Variants in SNX3 observed in about 807,000 individuals in gnomAD.
SNX3 encodes the protein sorting nexin-3.
In SNX3, 5 loss-of-function variants were observed where a neutral mutation model predicts 17.7. That is an observed-to-expected ratio of 0.28 (90% confidence interval 0.15 to 0.59). SNX3 has a LOEUF of 0.59. Among genes scored for constraint, SNX3 ranks in the 20% least tolerant of loss-of-function variants. The probability of loss-of-function intolerance (pLI) is 0.88; values close to 1 mark genes in which losing one functional copy is unlikely to be tolerated. For missense variants in SNX3, 132 were observed against 206.8 expected, an observed-to-expected ratio of 0.64 and a Z score of 2.22; for synonymous variants, 91 against 76.5, an observed-to-expected ratio of 1.19 and a Z score of -0.99.
chr6:108,241,143 C>CA (rs71274311), intron 1 of SNX3, among the ~76,000 whole-genome samples: 2,983 of 51,118 alleles, frequency 0.058, 494 homozygotes, highest in African/African-American at 0.099. Flanking sequence ...GACTCCGTCT[C>CA]AAAAAAAAAA....
Position 108,214,617 on chromosome 6 carries a change from T to G in SNX3, c.264A>C (p.Val88=), listed in dbSNP as rs760904690. ...ACGCTTTCCCAGGGAGCGGGGGAAC[T>G]ACGACCTAAAATGTGAAGACAGAAA... ...RSELERESKV[V]VPPLPGKAFL... The change falls in exon 3 of 4, where the codon GTA becomes GTC. Residue 88 remains valine, a synonymous_variant. Coordinates refer to ENST00000230085, the MANE Select transcript of SNX3 (RefSeq NM_003795.6). The G allele has an allele frequency of 6.2e-7, 1 of 1,611,094 alleles. No individual in the cohort carries two copies. The highest frequency in any genetic ancestry group is 2.2e-5 in the East Asian group (1 of 44,858).
chr6:108,251,098 C>T (rs551795902), intron 1 of SNX3, among the ~76,000 whole-genome samples: 62 of 152,088 alleles, frequency 4.1e-4, no homozygotes, highest in Middle Eastern at 3.4e-3. Flanking sequence ...TAATCAACTA[C>T]CTTTAGAATC....
chr6:108,214,845 A>G (rs1774515256), intron 2 of SNX3, among the ~76,000 whole-genome samples: 1 of 152,238 alleles, frequency 6.6e-6, no homozygotes, highest in Admixed American at 6.5e-5. Flanking sequence ...CAGGGCCCAT[A>G]GCTTATATCA....
chr6:108,222,153 C>G, intron 2 of SNX3: 5 of 1,208,704 alleles, frequency 4.1e-6, no homozygotes, highest in Non-Finnish European at 5.4e-6. Context: ...AAAAGAAAAC[C>G]CTTATTAAAC....
intron 2 of SNX3, among the ~76,000 whole-genome samples, chr6:108,221,875 A>C (rs1390129613): frequency 6.6e-6 from 1 of 152,006 alleles, no homozygotes; most frequent in African/African-American, 2.4e-5. Context: ...CTTTTGGTAA[A>C]GTTTGAGAGC....
At chr6:108,231,173 C>T (rs965714718) in intron 1 of SNX3, among the ~76,000 whole-genome samples, 20 of 151,434 alleles carry the variant, frequency 1.3e-4, no homozygotes, top group East Asian at 7.8e-4. Flanking sequence ...GGCGCGATGT[C>T]GGCTCACTGC....
intron 1 of SNX3, among the ~76,000 whole-genome samples, chr6:108,224,308 T>C (rs1347051551): frequency 6.6e-6 from 1 of 152,182 alleles, no homozygotes; most frequent in African/African-American, 2.4e-5. Flanking sequence ...TGAGGCAGAA[T>C]CTCGCTCTGT....
chr6:108,220,575 T>C (rs1482371838), intron 2 of SNX3, among the ~76,000 whole-genome samples: 2 of 152,196 alleles, frequency 1.3e-5, no homozygotes, highest in Non-Finnish European at 2.9e-5. Flanking sequence ...TATACTCATA[T>C]GATGTTTGCA....
chr6:108,247,786 G>A (rs543159724), intron 1 of SNX3, among the ~76,000 whole-genome samples: 2 of 151,992 alleles, frequency 1.3e-5, no homozygotes, highest in East Asian at 1.9e-4. Context: ...CTACCATACC[G>A]CCTGAACATC....
rs1000570342 is a variant in SNX3, at chr6:108,211,543, T to C, written c.*606A>G. 2 of 152,670 alleles carry C rather than the reference T, an allele frequency of 1.3e-5. No homozygotes were observed. The highest frequency in any genetic ancestry group is 4.8e-5 in the African/African-American group (2 of 41,456). The allele number at this position is 152,670 out of a possible 1,614,324, so 9.5% of individuals were successfully genotyped here. On this transcript the variant is annotated 3_prime_UTR_variant, in exon 4 of 4. Coordinates refer to ENST00000230085, the MANE Select transcript of SNX3 (RefSeq NM_003795.6). ...ATCAGAAATGCATTTTAATTTTTATTTGAAAACAACTTAAATTTTTAGACA... is the reference window on the plus strand; with the variant it reads ...ATCAGAAATGCATTTTAATTTTTATCTGAAAACAACTTAAATTTTTAGACA...
At chr6:108,234,246 T>TATATAC (rs1336928636) in intron 1 of SNX3, among the ~76,000 whole-genome samples, 1 of 151,396 alleles carries the variant, frequency 6.6e-6, no homozygotes, top group East Asian at 1.9e-4. Flanking sequence ...AACATATATA[T>TATATAC]ATATATATAA....
intron 2 of SNX3, among the ~76,000 whole-genome samples, chr6:108,219,127 G>C (rs953493352): frequency 3.9e-5 from 6 of 152,080 alleles, no homozygotes; most frequent in African/African-American, 1.4e-4. Flanking sequence ...CAAGGCGGGC[G>C]GATCACAAGG....
intron 1 of SNX3, among the ~76,000 whole-genome samples, chr6:108,257,883 G>C (rs1776076445): frequency 6.6e-6 from 1 of 152,054 alleles, no homozygotes; most frequent in Admixed American, 6.5e-5. Flanking sequence ...AGAATCGCTT[G>C]AACTCGGAAG....
chr6:108,238,546 T>C (rs1029296595), intron 1 of SNX3, among the ~76,000 whole-genome samples: 1 of 151,918 alleles, frequency 6.6e-6, no homozygotes, highest in Non-Finnish European at 1.5e-5. Flanking sequence ...AGGCGGATCC[T>C]TTGAGCCCAG....
At chr6:108,251,715 T>C (rs1272117770) in intron 1 of SNX3, among the ~76,000 whole-genome samples, 1 of 152,210 alleles carries the variant, frequency 6.6e-6, no homozygotes, top group Non-Finnish European at 1.5e-5. Context: ...TGGCAAGCTA[T>C]AGCAAACGTC....
At chr6:108,224,628 G>C (rs1181816347) in intron 1 of SNX3, among the ~76,000 whole-genome samples, 1 of 152,098 alleles carries the variant, frequency 6.6e-6, no homozygotes, top group Admixed American at 6.6e-5. Context: ...ATGAGGACTG[G>C]ATTAGATCTT....
chr6:108,220,254 C>G (rs1236365540), intron 2 of SNX3, among the ~76,000 whole-genome samples: 1 of 151,038 alleles, frequency 6.6e-6, no homozygotes, highest in Non-Finnish European at 1.5e-5. Context: ...TAGGTCTTCT[C>G]ATTCACTCGC....
chr6:108,226,948 A>C (rs1385519323), intron 1 of SNX3, among the ~76,000 whole-genome samples: 1 of 152,190 alleles, frequency 6.6e-6, no homozygotes, highest in Non-Finnish European at 1.5e-5. Flanking sequence ...ATAAATGACT[A>C]AGGAAAAAAT....
intron 1 of SNX3, among the ~76,000 whole-genome samples, chr6:108,259,657 T>A (rs1190907660): frequency 2.0e-5 from 3 of 152,252 alleles, no homozygotes; most frequent in African/African-American, 7.2e-5. Context: ...AATCATTTTT[T>A]AAAAATACTT....
Sources: allele counts gnomAD v4.1 joint callset (sites outside exome capture counted in the v4.1 genomes callset), GRCh38; gene constraint gnomAD v4.1.1; transcripts MANE v1.5; gene names NCBI Gene and HGNC (gene_info 2026-07-23, HGNC 2026-07-21).